The following NDE1 variants were observed in gnomAD, a reference collection of about 807,000 sequenced individuals.
The protein encoded by NDE1 is nuclear distribution protein nudE homolog 1.
In NDE1, 28 loss-of-function variants were observed where a neutral mutation model predicts 43.4. The observed-to-expected ratio is 0.65, with a 90% CI of 0.48 to 0.89. The LOEUF (loss-of-function observed/expected upper bound fraction) is 0.89. Among genes scored for constraint, NDE1 ranks in the 40% least tolerant of loss-of-function variants. The pLI, the probability that NDE1 is intolerant of heterozygous loss-of-function variation, is 0.00. For missense variants in NDE1, 441 were observed against 434.1 expected, an observed-to-expected ratio of 1.02 and a Z score of -0.14; for synonymous variants, 184 against 172.0, an observed-to-expected ratio of 1.07 and a Z score of -0.55.
At chr16:15,696,599 G>A in intron 7 of NDE1, 110 bp from the exon 8 acceptor site, 3 of 1,589,432 alleles carry the variant, frequency 1.9e-6, no homozygotes, top group Non-Finnish European at 2.6e-6. Flanking sequence ...GAATTCCAGT[G>A]CACAACAGTT....
intron 8 of NDE1, among the ~76,000 whole-genome samples, chr16:15,711,902 A>G (rs2151182837): frequency 6.6e-6 from 1 of 152,274 alleles, no homozygotes; most frequent in East Asian, 1.9e-4. Flanking sequence ...CATGTTGGTC[A>G]GGCTGGCCTT....
At chr16:15,652,759 G>A (rs1379678497) in intron 1 of NDE1, among the ~76,000 whole-genome samples, 1 of 152,026 alleles carries the variant, frequency 6.6e-6, no homozygotes, top group Non-Finnish European at 1.5e-5. Context: ...GACCTCTCAG[G>A]CTCAAGCAAT....
intron 8 of NDE1, among the ~76,000 whole-genome samples, chr16:15,709,842 A>G (rs2039678057): frequency 6.6e-6 from 1 of 152,162 alleles, no homozygotes; most frequent in East Asian, 1.9e-4. Flanking sequence ...GGCCTCTAGC[A>G]AGAGAGGAGA....
At position 15,650,302 on chromosome 16, in the gene NDE1, A is replaced by G; in HGVS notation, c.-44+8A>G. On this transcript the variant is annotated splice_region_variant and intron_variant, in intron 1 of 8. Coordinates refer to ENST00000396354, the MANE Select transcript of NDE1 (RefSeq NM_017668.3). ...CTCGCCGCCCCTGCTCGGGTAAGTG[A>G]GGCGCTGCGCGGGGCTGGGGTCGGG... 1 of 295,286 alleles carries G rather than the reference A, an allele frequency of 3.4e-6. No homozygotes were observed. The highest frequency in any genetic ancestry group is 7.0e-6 in the Non-Finnish European group (1 of 143,544). The allele number at this position is 295,286 out of a possible 1,614,324, so 18.3% of individuals were successfully genotyped here. A position where few individuals can be genotyped will look rare whatever the true frequency, so the allele number is the denominator to read the frequency against.
chr16:15,647,076 A>C (rs1024885507), upstream of NDE1, among the ~76,000 whole-genome samples: 1 of 152,244 alleles, frequency 6.6e-6, no homozygotes, highest in African/African-American at 2.4e-5. Context: ...CCAAGGGGGA[A>C]GGCATCAGAC....
chr16:15,713,203 A>G (rs1370182578), intron 8 of NDE1: 1 of 152,002 alleles, frequency 6.6e-6, no homozygotes, highest in African/African-American at 2.4e-5. Flanking sequence ...GGTCGGGTCC[A>G]ATGGAGGTGT....
chr16:15,694,235 A>G lies in NDE1; in HGVS notation c.774A>G (p.Gly258=), dbSNP rs1255309301. 2 of 1,613,720 alleles carry G rather than the reference A, an allele frequency of 1.2e-6. No homozygotes were observed. Among genetic ancestry groups the G allele is most frequent in the Non-Finnish European group, 1.7e-6 (2 of 1,180,014 alleles). Residue 258 remains glycine, a synonymous_variant, in exon 7 of 9, where the codon GGA becomes GGG. Transcript: ENST00000396354. ...GGATATCAGCCCTCAACATTGTGGGAGACCTACTGCGGAAAGTCGGGGTAA... is the reference window on the plus strand; with the variant it reads ...GGATATCAGCCCTCAACATTGTGGGGGACCTACTGCGGAAAGTCGGGGTAA... ...AARISALNIV[G]DLLRKVGALE...
intron 8 of NDE1, chr16:15,702,237 A>G (rs2039243167): frequency 6.6e-6 from 1 of 152,210 alleles, no homozygotes; most frequent in Non-Finnish European, 1.5e-5. Flanking sequence ...TGTCTAAAAC[A>G]CTCAAGCTGA....
chr16:15,719,512 A>G, intron 8 of NDE1: 1 of 1,607,524 alleles, frequency 6.2e-7, no homozygotes, highest in Non-Finnish European at 8.5e-7. Context: ...CTGGGAATGC[A>G]CAGACTGGAG....
chr16:15,671,721 C>T (rs1035969928), intron 3 of NDE1, among the ~76,000 whole-genome samples: 1 of 151,998 alleles, frequency 6.6e-6, no homozygotes, highest in Non-Finnish European at 1.5e-5. Flanking sequence ...GACAGAGTCT[C>T]CCCCTGTCAC....
At chr16:15,651,044 C>T (rs1372865242) in intron 1 of NDE1, among the ~76,000 whole-genome samples, 1 of 152,090 alleles carries the variant, frequency 6.6e-6, no homozygotes, top group Admixed American at 6.5e-5. Context: ...TCACTGAGGA[C>T]CTGAGTCTCT....
intron 1 of NDE1, among the ~76,000 whole-genome samples, chr16:15,652,515 CAGTGCCCAGCACTT>C (rs1413994444): frequency 1.3e-5 from 2 of 152,220 alleles, no homozygotes; most frequent in Non-Finnish European, 2.9e-5. Context: ...CCTCCTTCAG[CAGTGCCCAGCACTT>C]AGTAGGTATT....
chr16:15,721,526 G>C, intron 8 of NDE1: 1 of 1,614,196 alleles, frequency 6.2e-7, no homozygotes, highest in Non-Finnish European at 8.5e-7. Flanking sequence ...GCCTCTTCAA[G>C]GGCCCGAGCC....
chr16:15,678,154 C>T (rs1221211377), intron 4 of NDE1, among the ~76,000 whole-genome samples: 1 of 152,120 alleles, frequency 6.6e-6, no homozygotes, highest in Non-Finnish European at 1.5e-5. Context: ...GGCTGGCAGC[C>T]CAGGGTGCTG....
chr16:15,718,602 TG>T, intron 8 of NDE1: 1 of 1,122,722 alleles, frequency 8.9e-7, no homozygotes, highest in Non-Finnish European at 1.2e-6. Flanking sequence ...AGCCAGGAAG[TG>T]GACAGCCGGG....
intron 8 of NDE1, among the ~76,000 whole-genome samples, chr16:15,702,460 A>T (rs2039251927): frequency 6.6e-6 from 1 of 152,046 alleles, no homozygotes; most frequent in Admixed American, 6.6e-5. Context: ...GCGTGATCAT[A>T]GCTCACTGCA....
At chr16:15,723,367 CCGG>C (rs2040584204) in intron 8 of NDE1, among the ~76,000 whole-genome samples, 1 of 152,094 alleles carries the variant, frequency 6.6e-6, no homozygotes, top group Non-Finnish European at 1.5e-5. Flanking sequence ...AATATGTGGG[CCGG>C]GCATAGTGGC....
At chr16:15,674,733 G>A (rs2037779051) in intron 3 of NDE1, among the ~76,000 whole-genome samples, 1 of 151,940 alleles carries the variant, frequency 6.6e-6, no homozygotes, top group Admixed American at 6.6e-5. Flanking sequence ...TTTTGAGATA[G>A]CTGGGTCTCA....
At chr16:15,681,617 G>T (rs762673404) in intron 4 of NDE1, among the ~76,000 whole-genome samples, 1 of 152,090 alleles carries the variant, frequency 6.6e-6, no homozygotes, top group East Asian at 1.9e-4. Flanking sequence ...ATTTCTAGGA[G>T]ATTTTTATAT....
Sources: allele counts gnomAD v4.1 joint callset (sites outside exome capture counted in the v4.1 genomes callset), GRCh38; gene constraint gnomAD v4.1.1; transcripts MANE v1.5; gene names NCBI Gene and HGNC (gene_info 2026-07-23, HGNC 2026-07-21).